Variants in IRAK1BP1 observed in about 807,000 individuals in gnomAD.
The protein encoded by IRAK1BP1 is interleukin 1 receptor associated kinase 1 binding protein 1, also known as interleukin-1 receptor-associated kinase 1-binding protein 1.
IRAK1BP1 carries 24 observed loss-of-function variants against 28.0 expected under a neutral mutation model. The observed-to-expected ratio is 0.86, with a 90% CI of 0.62 to 1.20. The LOEUF (loss-of-function observed/expected upper bound fraction) is 1.20, where lower values mean the gene tolerates loss of function less well. Ranked by LOEUF, IRAK1BP1 falls within the 50% of genes most tolerant of loss-of-function variation. The pLI is 0.00. For missense variants in IRAK1BP1, 336 were observed against 316.7 expected, an observed-to-expected ratio of 1.06 and a Z score of -0.46; for synonymous variants, 131 against 116.3, an observed-to-expected ratio of 1.13 and a Z score of -0.81.
At chr6:78,953,577 T>C in the IRAK1BP1 span, among the ~76,000 whole-genome samples, 1 of 152,086 alleles carries the variant, frequency 6.6e-6, no homozygotes, top group Non-Finnish European at 1.5e-5. Flanking sequence ...AAAGGTGAGG[T>C]TCTAATTAGC....
chr6:78,918,605 C>T (rs921205805), intron 4 of IRAK1BP1, among the ~76,000 whole-genome samples: 3 of 79,738 alleles, frequency 3.8e-5, no homozygotes, highest in Non-Finnish European at 8.0e-5. Context: ...AAAAAAGGGA[C>T]AAAGAAGGGT....
At chr6:78,945,549 A>T (rs769688115) in exon 5 of IRAK1BP1, 1 of 1,129,742 alleles carries the variant, frequency 8.9e-7, no homozygotes, top group Non-Finnish European at 1.3e-6. Flanking sequence ...ACCTAAAGAT[A>T]AGAAAAAAGG....
In IRAK1BP1 at chr6:78,886,354, A is replaced by G. The variant is rs369521206; in HGVS notation, c.381+911A>G. ...CCACAATATTCTGTTTGTTGCCCCA[A>G]TGCTTCCTGTAATCATTTTGTGATT... On this transcript the variant is annotated intron_variant, in intron 2 of 3. Transcript: ENST00000369940. Among the ~76,000 whole-genome samples, 10 of 152,258 alleles carry G rather than the reference A, an allele frequency of 6.6e-5. No individual in the cohort carries two copies. The South Asian group carries it at 1.7e-3, about 25-fold the overall frequency.
chr6:78,879,254 A>G (rs1241052312), intron 1 of IRAK1BP1, among the ~76,000 whole-genome samples: 1 of 152,168 alleles, frequency 6.6e-6, no homozygotes, highest in Admixed American at 6.5e-5. Context: ...AATGTAAATG[A>G]CGAGTTAATG....
chr6:78,933,523 G>A (rs1189480095), intron 4 of IRAK1BP1, among the ~76,000 whole-genome samples: 1 of 152,160 alleles, frequency 6.6e-6, no homozygotes, highest in Non-Finnish European at 1.5e-5. Context: ...GCTGAGGCAG[G>A]AGAATCGCTT....
chr6:78,958,239 A>G, the IRAK1BP1 span: 1 of 347,690 alleles, frequency 2.9e-6, no homozygotes, highest in African/African-American at 2.1e-5. Context: ...TTAAAACACA[A>G]TGGTAATACG....
chr6:78,938,698 AAAAT>A (rs1448592719), intron 4 of IRAK1BP1: 4 of 151,836 alleles, frequency 2.6e-5, no homozygotes, highest in Non-Finnish European at 3.0e-5. Flanking sequence ...TTGTTAGAAA[AAAAT>A]AAATATACAA....
intron 1 of IRAK1BP1, among the ~76,000 whole-genome samples, chr6:78,875,143 A>G (rs1770950639): frequency 6.6e-6 from 1 of 152,242 alleles, no homozygotes; most frequent in Admixed American, 6.5e-5. Context: ...GCTCAGCATC[A>G]CCAGTCATTG....
At chr6:78,932,486 C>T (rs1773083709) in intron 4 of IRAK1BP1, among the ~76,000 whole-genome samples, 1 of 146,080 alleles carries the variant, frequency 6.8e-6, no homozygotes, top group Non-Finnish European at 1.5e-5. Context: ...CAATGGTGCA[C>T]TCTTGGCTCA....
intron 2 of IRAK1BP1, among the ~76,000 whole-genome samples, chr6:78,896,571 A>C (rs1280362032): frequency 6.6e-6 from 1 of 152,190 alleles, no homozygotes; most frequent in Admixed American, 6.5e-5. Context: ...TGGGGAAGGA[A>C]CTGATAAAGG....
At chr6:78,972,809 G>C in the IRAK1BP1 span, among the ~76,000 whole-genome samples, 1 of 152,134 alleles carries the variant, frequency 6.6e-6, no homozygotes, top group Non-Finnish European at 1.5e-5. Context: ...GAAATGAAGC[G>C]AGAAGGGAAG....
chr6:78,974,414 A>G, the IRAK1BP1 span, among the ~76,000 whole-genome samples: 1 of 152,004 alleles, frequency 6.6e-6, no homozygotes, highest in Non-Finnish European at 1.5e-5. Flanking sequence ...AATGCCCACA[A>G]GAGTAAGCAG....
chr6:78,907,086 C>T (rs1440826401), downstream of IRAK1BP1, among the ~76,000 whole-genome samples: 1 of 152,118 alleles, frequency 6.6e-6, no homozygotes, highest in East Asian at 1.9e-4. Context: ...ACTATTTGTA[C>T]ACAACTCCAC....
chr6:78,895,723 A>G (rs1010265258), intron 2 of IRAK1BP1, among the ~76,000 whole-genome samples: 6 of 152,222 alleles, frequency 3.9e-5, no homozygotes, highest in Admixed American at 3.9e-4. Flanking sequence ...GTAAAATAAG[A>G]ACAGTTGAGA....
At chr6:78,958,551 G>A in the IRAK1BP1 span, 4 of 1,577,492 alleles carry the variant, frequency 2.5e-6, no homozygotes, top group Non-Finnish European at 3.5e-6. Context: ...TTAAATGTTC[G>A]TGTATTATGC....
intron 4 of IRAK1BP1, chr6:78,941,318 T>C: frequency 6.2e-7 from 1 of 1,612,804 alleles, no homozygotes; most frequent in East Asian, 2.2e-5. Flanking sequence ...AAGAGCGTTG[T>C]TCTTACAATC....
chr6:78,961,390 T>C, the IRAK1BP1 span, among the ~76,000 whole-genome samples: 2 of 152,028 alleles, frequency 1.3e-5, no homozygotes, highest in East Asian at 1.9e-4. Context: ...TAAAATACAA[T>C]ATAAAGACAG....
At chr6:78,868,299 CA>C (rs1434020426) in intron 1 of IRAK1BP1, among the ~76,000 whole-genome samples, 1 of 152,246 alleles carries the variant, frequency 6.6e-6, no homozygotes, top group Non-Finnish European at 1.5e-5. Flanking sequence ...ATGGAATTGG[CA>C]AGTGAAGAGC....
intron 4 of IRAK1BP1, among the ~76,000 whole-genome samples, chr6:78,923,448 T>A (rs951805930): frequency 4.6e-5 from 7 of 152,114 alleles, no homozygotes; most frequent in African/African-American, 1.4e-4. Flanking sequence ...AAAGAGACTT[T>A]GACTCCCACA....
Sources: allele counts gnomAD v4.1 joint callset (sites outside exome capture counted in the v4.1 genomes callset), GRCh38; gene constraint gnomAD v4.1.1; transcripts MANE v1.5; gene names NCBI Gene and HGNC (gene_info 2026-07-23, HGNC 2026-07-21).